The following CHODL variants were observed in gnomAD, a reference collection of about 807,000 sequenced individuals.
CHODL encodes the protein transmembrane protein MT75.
CHODL carries 29 observed loss-of-function variants against 34.5 expected under a neutral mutation model. The observed-to-expected ratio is 0.84, with a 90% CI of 0.63 to 1.15. The LOEUF is 1.15. Among genes scored for constraint, CHODL ranks in the 50% most tolerant of loss-of-function variants. The probability of loss-of-function intolerance (pLI) is 0.00; values close to 1 mark genes in which losing one functional copy is unlikely to be tolerated. For synonymous variants in CHODL, 125 were observed against 116.1 expected (o/e 1.08, Z -0.49); for missense variants, 332 against 332.5 (o/e 1.00, Z 0.01).
At chr21:18,152,011 TG>T (rs2072975738) in intron 2 of CHODL, among the ~76,000 whole-genome samples, 1 of 151,810 alleles carries the variant, frequency 6.6e-6, no homozygotes, top group Admixed American at 6.6e-5. Context: ...TGTGTGTGTG[TG>T]TGTGTGTGTG....
At chr21:18,028,560 G>C (rs866979321) in intron 2 of CHODL, among the ~76,000 whole-genome samples, 1 of 151,556 alleles carries the variant, frequency 6.6e-6, no homozygotes, top group Non-Finnish European at 1.5e-5. Context: ...TTAGCTGGGC[G>C]TGGTGGCAGG....
At chr21:18,030,553 A>G (rs934517081) in intron 2 of CHODL, among the ~76,000 whole-genome samples, 1 of 152,178 alleles carries the variant, frequency 6.6e-6, no homozygotes, top group Non-Finnish European at 1.5e-5. Flanking sequence ...AATCTGTTAC[A>G]TAGAAATACA....
chr21:18,033,389 T>C (rs936293613), intron 2 of CHODL, among the ~76,000 whole-genome samples: 1 of 152,010 alleles, frequency 6.6e-6, no homozygotes, highest in Non-Finnish European at 1.5e-5. Flanking sequence ...AGTATGACAT[T>C]ATCTGACATA....
intron 1 of CHODL, among the ~76,000 whole-genome samples, chr21:18,000,503 A>G (rs1406430739): frequency 1.3e-5 from 2 of 152,162 alleles, no homozygotes; most frequent in Admixed American, 6.5e-5. Flanking sequence ...ACTGGGCCAG[A>G]TATCTAATTA....
At chr21:18,243,376 T>G (rs935717035), upstream of CHODL, among the ~76,000 whole-genome samples, 2 of 152,162 alleles carry the variant, frequency 1.3e-5, no homozygotes, top group Non-Finnish European at 2.9e-5. Flanking sequence ...ATCCCAGCAG[T>G]GTCTGTTTCT....
rs73316227 is a variant in CHODL at position 18,198,520 on chromosome 21, C to T, written c.-44-57989C>T. ...CATAATAAATTTAACCCATATGATT[C>T]GACATTGTTATTTGGGATAATTTGT... On this transcript the variant is annotated intron_variant, in intron 2 of 6. Transcript: ENST00000400127. Among the ~76,000 whole-genome samples the T allele has an allele frequency of 5.0e-3, 761 of 152,124 alleles. 5 individuals carry two copies. Among genetic ancestry groups the T allele is most frequent in the African/African-American group, 0.017 (719 of 41,514 alleles).
In CHODL at chr21:18,224,782, T is replaced by C. The variant is rs1037743420; in HGVS notation, c.-44-31727T>C. Among the ~76,000 whole-genome samples the C allele has an allele frequency of 8.9e-4, 135 of 152,186 alleles. 2 individuals are homozygous for C. Among genetic ancestry groups the C allele is most frequent in the Non-Finnish European group, 3.4e-4 (23 of 68,016 alleles). ...AAGGTAGTAGGGTATAGCCAGAGAA[T>C]GAAGTATTAGAGTTAATATTTCAGG... On this transcript the variant is annotated intron_variant, in intron 2 of 6. Transcript: ENST00000400127.
In CHODL at chr21:18,256,463, T is replaced by C. The variant is rs78742300; in HGVS notation, c.80-46T>C. 7.8e-3 allele frequency: 11,718 copies of C among 1,511,168 alleles called. 773 individuals are homozygous for C. The African/African-American group carries it at 0.15, about 19-fold the overall frequency. 93.6% of individuals were successfully genotyped at this position (1,511,168 alleles called of 1,614,324 possible). On this transcript the variant is annotated intron_variant, in intron 1 of 5. Coordinates refer to ENST00000299295, the MANE Select transcript of CHODL (RefSeq NM_024944.3). ...TTTTGATTCTTAGTGTTGTTACAAA[T>C]AGAGTTCCGATTATCAATATATGGG...
At chr21:18,259,344 G>A (rs2074353183) in intron 3 of CHODL, among the ~76,000 whole-genome samples, 2 of 151,902 alleles carry the variant, frequency 1.3e-5, no homozygotes, top group Admixed American at 6.6e-5. Flanking sequence ...ACGAAATCAT[G>A]ACAATAAACT....
At chr21:18,204,159 G>C (rs1001501715) in intron 2 of CHODL, among the ~76,000 whole-genome samples, 2 of 151,952 alleles carry the variant, frequency 1.3e-5, no homozygotes, top group African/African-American at 4.8e-5. Flanking sequence ...ACTGCTTAAC[G>C]TGATAGCTAA....
At chr21:18,086,406 G>T (rs955712481) in intron 2 of CHODL, among the ~76,000 whole-genome samples, 3 of 151,998 alleles carry the variant, frequency 2.0e-5, no homozygotes, top group African/African-American at 7.2e-5. Context: ...TAGTCCTTTG[G>T]TAGTGTCATA....
chr21:18,097,827 G>A (rs2065158187), intron 2 of CHODL, among the ~76,000 whole-genome samples: 1 of 152,030 alleles, frequency 6.6e-6, no homozygotes, highest in Non-Finnish European at 1.5e-5. Flanking sequence ...ATGCTATAGA[G>A]CTATAAAGAG....
intron 2 of CHODL, among the ~76,000 whole-genome samples, chr21:18,048,665 C>T (rs528872017): frequency 1.3e-5 from 2 of 151,844 alleles, no homozygotes; most frequent in Admixed American, 6.6e-5. Flanking sequence ...GAATGGCATG[C>T]GAGGTAACTG....
intron 2 of CHODL, among the ~76,000 whole-genome samples, chr21:18,169,565 T>C (rs575911149): frequency 1.6e-4 from 25 of 152,152 alleles, no homozygotes; most frequent in Middle Eastern, 3.4e-3. Flanking sequence ...AAAATACAAC[T>C]TCTTTTTAAA....
At chr21:17,969,744 T>G (rs903624933) in intron 1 of CHODL, among the ~76,000 whole-genome samples, 1 of 152,194 alleles carries the variant, frequency 6.6e-6, no homozygotes, top group African/African-American at 2.4e-5. Flanking sequence ...GTATAATGCC[T>G]AAGAGAGTAC....
chr21:17,987,182 C>T (rs1340106619), intron 1 of CHODL, among the ~76,000 whole-genome samples: 7 of 152,124 alleles, frequency 4.6e-5, no homozygotes, highest in African/African-American at 1.7e-4. Flanking sequence ...TTTCTTCCCA[C>T]TAGCCCAATC....
chr21:18,186,779 A>C (rs1221090276), intron 2 of CHODL, among the ~76,000 whole-genome samples: 1 of 152,166 alleles, frequency 6.6e-6, no homozygotes, highest in Non-Finnish European at 1.5e-5. Flanking sequence ...TCTCCCCAAG[A>C]CTTATGAAAT....
In CHODL at chr21:17,983,920, G is replaced by T. The variant is rs2063733689; in HGVS notation, c.-144-43952G>T. Among the ~76,000 whole-genome samples, 4 of 139,762 alleles carry T rather than the reference G, an allele frequency of 2.9e-5. No homozygotes were observed. The South Asian group carries it at 9.8e-4, about 34-fold the overall frequency. 91.7% of individuals were successfully genotyped at this position (139,762 alleles called of 152,430 possible). A position where few individuals can be genotyped will look rare whatever the true frequency, so the allele number is the denominator to read the frequency against. On this transcript the variant is annotated intron_variant, in intron 1 of 6. Transcript: ENST00000400127. ...GTGTGCAAGTGTGTGTGTGGGGGGG[G>T]TGGGGGCAAGAACACTTAACAGGAG...
At chr21:18,082,916 AG>A (rs1235840952) in intron 2 of CHODL, among the ~76,000 whole-genome samples, 1 of 151,076 alleles carries the variant, frequency 6.6e-6, no homozygotes, top group Non-Finnish European at 1.5e-5. Flanking sequence ...ACCATGTAGG[AG>A]GAAAAAAAAA....
Sources: gnomAD v4.1 joint callset for allele counts (sites outside exome capture counted in the v4.1 genomes callset) on GRCh38, gnomAD v4.1.1 for gene constraint, MANE v1.5 for transcripts, NCBI Gene and HGNC (gene_info 2026-07-23, HGNC 2026-07-21) for gene names.